The following NUFIP2 variants were observed in gnomAD, a reference collection of about 807,000 sequenced individuals.
The protein encoded by NUFIP2 is nuclear FMR1 interacting protein 2.
In NUFIP2, 6 loss-of-function variants were observed where a neutral mutation model predicts 56.9. The observed-to-expected ratio is 0.11, with a 90% CI of 0.06 to 0.21. NUFIP2 has a LOEUF of 0.21. Among genes scored for constraint, NUFIP2 ranks in the 10% least tolerant of loss-of-function variants. The pLI, the probability that NUFIP2 is intolerant of heterozygous loss-of-function variation, is 1.00. For missense variants in NUFIP2, 828 were observed against 826.8 expected (o/e 1.00, Z -0.02); for synonymous variants, 321 against 298.2 (o/e 1.08, Z -0.79).
intron 2 of NUFIP2, among the ~76,000 whole-genome samples, chr17:29,268,621 G>C (rs981385314): frequency 6.6e-6 from 1 of 152,046 alleles, no homozygotes; most frequent in African/African-American, 2.4e-5. Flanking sequence ...GGGTTCAAGC[G>C]ATTCTCCTGC....
In NUFIP2 at chr17:29,286,686, T is replaced by C. The variant is rs138439804; in HGVS notation, c.1308A>G (p.Leu436=). 3.1e-6 allele frequency: 5 copies of C among 1,614,158 alleles called. No individual in the cohort carries two copies. The highest frequency in any genetic ancestry group is 2.2e-5 in the South Asian group (2 of 91,084). The part of the protein sequence containing the change: ...NVYPPGGQPL[L]TTAANTLTPI... ...GTGTTAGAGTATTAGCAGCAGTAGT[T>C]AGCAGTGGCTGACCCCCTGGAGGAT... The change falls in exon 2 of 4, where the codon CTA becomes CTG. Residue 436 remains leucine, a synonymous_variant. Coordinates refer to ENST00000225388, the MANE Select transcript of NUFIP2 (RefSeq NM_020772.3).
rs1567674542 is a variant in NUFIP2 at position 29,262,881 on chromosome 17, T to C, written c.*1658A>G. On this transcript the variant is annotated 3_prime_UTR_variant, in exon 4 of 4. Transcript: ENST00000225388. ...ACTCTATGTTGAGTCCAACAGCTTCTTTCATGAACTACTTGTTTTAAAAGC... is the reference window on the plus strand; with the variant it reads ...ACTCTATGTTGAGTCCAACAGCTTCCTTCATGAACTACTTGTTTTAAAAGC... The C allele has an allele frequency of 6.6e-6, 1 of 152,412 alleles. No individual in the cohort carries two copies. Among genetic ancestry groups the C allele is most frequent in the Middle Eastern group, 3.4e-3 (1 of 294 alleles). The allele number at this position is 152,412 out of a possible 1,614,324, so 9.4% of individuals were successfully genotyped here.
At position 29,262,555 on chromosome 17, in the gene NUFIP2, C is replaced by A. The variant is rs1357113985; in HGVS notation, c.*1984G>T. 6.6e-6 allele frequency: 1 copy of A among 152,086 alleles called. No individual in the cohort carries two copies. The highest frequency in any genetic ancestry group is 1.5e-5 in the Non-Finnish European group (1 of 67,936). The allele number at this position is 152,086 out of a possible 1,614,324, so 9.4% of individuals were successfully genotyped here. ...GCTTTTGGCAAGCAGGCAGGAGACT[C>A]AACAAAAATCAAAATAGGAACAAGG... is the stretch of plus-strand genomic sequence containing the variant. On this transcript the variant is annotated 3_prime_UTR_variant, in exon 4 of 4. Coordinates refer to ENST00000225388, the MANE Select transcript of NUFIP2 (RefSeq NM_020772.3).
Position 29,256,935 on chromosome 17 carries a change from T to C in NUFIP2, c.*7604A>G, listed in dbSNP as rs1169765208. Reference sequence around the variant, plus strand: ...CAGTCAATTCAGTAAACCAAATTTATGCTAAAGCAATAAAGGTAAAAGCCT... The same window carrying C: ...CAGTCAATTCAGTAAACCAAATTTACGCTAAAGCAATAAAGGTAAAAGCCT... On this transcript the variant is annotated 3_prime_UTR_variant, in exon 4 of 4. Coordinates refer to ENST00000225388, the MANE Select transcript of NUFIP2 (RefSeq NM_020772.3). 5 of 152,328 alleles carry C rather than the reference T, an allele frequency of 3.3e-5. No individual in the cohort carries two copies. Among genetic ancestry groups the C allele is most frequent in the South Asian group, 4.1e-4 (2 of 4,832 alleles). 9.4% of individuals were successfully genotyped at this position (152,328 alleles called of 1,614,324 possible).
intron 2 of NUFIP2, among the ~76,000 whole-genome samples, chr17:29,276,333 G>A (rs573242142): frequency 2.0e-5 from 3 of 152,006 alleles, no homozygotes; most frequent in South Asian, 2.1e-4. Flanking sequence ...ACTTCTTTTC[G>A]GAATCCTGAC....
At position 29,286,819 on chromosome 17, in the gene NUFIP2, G is replaced by A. The variant is rs1288512881; in HGVS notation, c.1175C>T (p.Thr392Ile). Residue 392 changes from threonine to isoleucine, a missense_variant, in exon 2 of 4, where the codon ACC becomes ATC. Thr to Ile is a moderately conservative substitution (Grantham distance 89, BLOSUM62 -1). Coordinates refer to ENST00000225388, the MANE Select transcript of NUFIP2 (RefSeq NM_020772.3). ...SSSSSTGETQ[T>I]QSSSRLSQVP... is the part of the protein sequence containing the mutation. ...CTGGGATAAGCGACTTGATGATTGGGTCTGAGTTTCCCCGGTAGATGATGA... is the reference window on the plus strand; with the variant it reads ...CTGGGATAAGCGACTTGATGATTGGATCTGAGTTTCCCCGGTAGATGATGA... 4 of 1,614,168 alleles carry A rather than the reference G, an allele frequency of 2.5e-6. No individual in the cohort carries two copies. Among genetic ancestry groups the A allele is most frequent in the Non-Finnish European group, 3.4e-6 (4 of 1,180,034 alleles).
At chr17:29,273,984 A>C (rs889460697) in intron 2 of NUFIP2, among the ~76,000 whole-genome samples, 2 of 152,158 alleles carry the variant, frequency 1.3e-5, no homozygotes, top group Non-Finnish European at 2.9e-5. Context: ...TGAAAAAAAA[A>C]TACTACTCAC....
Position 29,283,595 on chromosome 17 carries a change from T to C in NUFIP2, c.2002+2397A>G, listed in dbSNP as rs549836163. 1.1e-3 allele frequency among the ~76,000 whole-genome samples: 173 copies of C among 152,226 alleles called. 1 individual carries two copies. The highest frequency in any genetic ancestry group is 4.3e-4 in the Non-Finnish European group (29 of 68,006). ...ACCACACTGGGCCTCCCAGAATATT[T>C]TGGAGGTGGTAAGAGAACACAACAC... On this transcript the variant is annotated intron_variant, in intron 2 of 3. Coordinates refer to ENST00000225388, the MANE Select transcript of NUFIP2 (RefSeq NM_020772.3).
chr17:29,278,921 C>T (rs1300311834), intron 2 of NUFIP2, among the ~76,000 whole-genome samples: 1 of 152,170 alleles, frequency 6.6e-6, no homozygotes, highest in Non-Finnish European at 1.5e-5. Flanking sequence ...GGGACCTTAT[C>T]CCATATTAGG....
chr17:29,259,775 T>C lies in NUFIP2; in HGVS notation c.*4764A>G, dbSNP rs1406414440. 1.3e-5 allele frequency: 2 copies of C among 152,218 alleles called. No homozygotes were observed. The highest frequency in any genetic ancestry group is 2.1e-4 in the South Asian group (1 of 4,832). 9.4% of individuals were successfully genotyped at this position (152,218 alleles called of 1,614,324 possible). Reference sequence around the variant, plus strand: ...TGCAAGAGCAACATACCAATCATGCTGCAATGGGTGTTTTTATTATGCAGA... The same window carrying C: ...TGCAAGAGCAACATACCAATCATGCCGCAATGGGTGTTTTTATTATGCAGA... On this transcript the variant is annotated 3_prime_UTR_variant, in exon 4 of 4. Coordinates refer to ENST00000225388, the MANE Select transcript of NUFIP2 (RefSeq NM_020772.3).
rs1191508671 is a variant in NUFIP2 at position 29,264,076 on chromosome 17, T to C, written c.*463A>G. ...GGAGTGGGGGGAAAATGTTGAATCA[T>C]TCTGGGTTCCCCGTGATTAGTGTAT... On this transcript the variant is annotated 3_prime_UTR_variant, in exon 4 of 4. Coordinates refer to ENST00000225388, the MANE Select transcript of NUFIP2 (RefSeq NM_020772.3). The C allele has an allele frequency of 1.3e-5, 2 of 152,592 alleles. No individual in the cohort carries two copies. Among genetic ancestry groups the C allele is most frequent in the African/African-American group, 4.8e-5 (2 of 41,434 alleles). 9.5% of individuals were successfully genotyped at this position (152,592 alleles called of 1,614,324 possible).
intron 1 of NUFIP2, 22 bp from the exon 2 acceptor site, chr17:29,287,738 A>T (rs1567682050): frequency 6.5e-7 from 1 of 1,543,364 alleles, no homozygotes; most frequent in East Asian, 2.3e-5. Context: ...GAAAAAAAGG[A>T]TTAAAAAAAA....
intron 2 of NUFIP2, among the ~76,000 whole-genome samples, chr17:29,284,728 G>GA (rs1189302052): frequency 9.0e-6 from 1 of 111,328 alleles, no homozygotes; most frequent in African/African-American, 3.5e-5. Context: ...AAAAAAAAAA[G>GA]AAAAAAAAGA....
intron 2 of NUFIP2, among the ~76,000 whole-genome samples, chr17:29,278,482 G>A (rs1317226093): frequency 6.6e-6 from 1 of 151,950 alleles, no homozygotes; most frequent in South Asian, 2.1e-4. Flanking sequence ...TCCTGACCTC[G>A]TGATCTGCCC....
In NUFIP2 at chr17:29,287,237, T is replaced by C. The variant is rs374963311; in HGVS notation, c.757A>G (p.Thr253Ala). 7.4e-6 allele frequency: 12 copies of C among 1,614,096 alleles called. No individual in the cohort carries two copies. The Admixed American group carries it at 1.0e-4, about 13-fold the overall frequency. The part of the protein sequence containing the change: ...KIMQQETSVP[T>A]LKQGLETFKP... ...AAAGTTTCAAGTCCCTGTTTTAAGG[T>C]TGGGACACTGGTCTCTTGTTGCATT... The change falls in exon 2 of 4, where the codon ACC becomes GCC. Residue 253 changes from threonine (T) to alanine (A), a missense_variant. Coordinates refer to ENST00000225388, the MANE Select transcript of NUFIP2 (RefSeq NM_020772.3).
intron 1 of NUFIP2, 24 bp from the exon 2 acceptor site, chr17:29,287,740 T>G: frequency 1.4e-6 from 2 of 1,383,720 alleles, no homozygotes; most frequent in Non-Finnish European, 1.9e-6. Flanking sequence ...AAAAAAGGAT[T>G]AAAAAAAAAA....
rs1462900503 is a variant in NUFIP2, at chr17:29,286,915, C to T, written c.1079G>A (p.Ser360Asn). 1 of 1,614,000 alleles carries T rather than the reference C, an allele frequency of 6.2e-7. No homozygotes were observed. The highest frequency in any genetic ancestry group is 8.5e-7 in the Non-Finnish European group (1 of 1,180,022). ...AKIVPKISYA[S>N]KVKENLNKTI... ...TTTGTTGAGGTTTTCCTTAACTTTG[C>T]TTGCATAACTTATTTTAGGAACTAT... The change falls in exon 2 of 4, where the codon AGC (serine) becomes AAC (asparagine). Residue 360 changes from serine (S) to asparagine (N), a missense_variant. By Grantham distance (46) the Ser-to-Asn change is conservative (BLOSUM62 1). Transcript: ENST00000225388.
intron 1 of NUFIP2, among the ~76,000 whole-genome samples, chr17:29,293,380 G>A (rs189574871): frequency 1.1e-3 from 172 of 152,212 alleles, no homozygotes; most frequent in African/African-American, 3.7e-3. Flanking sequence ...GATTCGCTAG[G>A]CCTTCCTGAG....
chr17:29,286,078 T>C lies in NUFIP2; in HGVS notation c.1916A>G (p.Lys639Arg). Residue 639 changes from lysine (K) to arginine (R), a missense_variant, in exon 2 of 4, where the codon AAA becomes AGA. Lys to Arg is a conservative substitution (Grantham distance 26). Transcript: ENST00000225388. ...SPTNTLLGSA[K>R]EQRYQRGLER... ...TAGGCCTCTCTGGTATCTCTGTTCT[T>C]TGGCAGAGCCTAACAAAGTGTTCGT... 6.2e-7 allele frequency: 1 copy of C among 1,614,010 alleles called. No homozygotes were observed. The highest frequency in any genetic ancestry group is 8.5e-7 in the Non-Finnish European group (1 of 1,179,856).
Sources: allele counts gnomAD v4.1 joint callset (sites outside exome capture counted in the v4.1 genomes callset), GRCh38; gene constraint gnomAD v4.1.1; transcripts MANE v1.5; gene names NCBI Gene and HGNC (gene_info 2026-07-23, HGNC 2026-07-21).